Variants in SCN2A observed in about 807,000 individuals in gnomAD.
SCN2A encodes the protein sodium voltage-gated channel alpha subunit 2.
A neutral mutation model predicts 188.7 loss-of-function variants in SCN2A; 20 were observed. The ratio of observed to expected loss-of-function variants is 0.11; its 90% CI spans 0.07 to 0.15. The LOEUF is 0.15. Ranked by LOEUF, SCN2A falls within the 10% of genes least tolerant of loss-of-function variation. The pLI is 1.00. For missense variants in SCN2A, 1,278 were observed against 2,445.0 expected (o/e 0.52, Z 10.07); for synonymous variants, 804 against 833.1 (o/e 0.97, Z 0.60).
intron 11 of SCN2A, among the ~76,000 whole-genome samples, chr2:165,318,998 A>G (rs1187957054): frequency 6.6e-6 from 1 of 152,234 alleles, no homozygotes; most frequent in East Asian, 1.9e-4. Context: ...CATGGGAACA[A>G]CAAGAGGAGA....
In SCN2A at chr2:165,323,195, C is replaced by G; in HGVS notation, c.1711C>G (p.Arg571Gly). The change falls in exon 12 of 27, where the codon CGC becomes GGC. Residue 571 changes from arginine to glycine, a missense_variant. Physicochemically the swap from Arg to Gly is moderately radical, Grantham distance 125. Transcript: ENST00000375437. ...SIRGSLFSPR[R>G]NSRASLFSFR... ...CCGTGGCTCCCTTTTCTCTCCAAGACGCAACAGTAGGGCGAGCCTTTTCAG... is the reference window on the plus strand; with the variant it reads ...CCGTGGCTCCCTTTTCTCTCCAAGAGGCAACAGTAGGGCGAGCCTTTTCAG... 6.2e-7 allele frequency: 1 copy of G among 1,614,186 alleles called. No homozygotes were observed. The highest frequency in any genetic ancestry group is 8.5e-7 in the Non-Finnish European group (1 of 1,180,046).
chr2:165,325,939 AATATTTTGATCATATTATT>A (rs1181792233), intron 12 of SCN2A, among the ~76,000 whole-genome samples: 3 of 152,126 alleles, frequency 2.0e-5, no homozygotes, highest in African/African-American at 4.8e-5. Flanking sequence ...CAAAATAAAT[AATATTTTGATCATATTATT>A]ATATTTTGAT....
intron 17 of SCN2A, among the ~76,000 whole-genome samples, chr2:165,364,585 C>A (rs1333800663): frequency 6.6e-6 from 1 of 152,112 alleles, no homozygotes; most frequent in East Asian, 1.9e-4. Flanking sequence ...ATATAGCTAA[C>A]AATGTGCTGC....
chr2:165,339,896 G>C (rs779358447), intron 14 of SCN2A, among the ~76,000 whole-genome samples: 1 of 152,224 alleles, frequency 6.6e-6, no homozygotes, highest in Admixed American at 6.5e-5. Flanking sequence ...TGACTTCAAG[G>C]CTTGTTATAA....
At chr2:165,378,508 A>G (rs1701432684) in intron 23 of SCN2A, among the ~76,000 whole-genome samples, 1 of 151,708 alleles carries the variant, frequency 6.6e-6, no homozygotes, top group Non-Finnish European at 1.5e-5. Context: ...ACATTATCCC[A>G]TTTAATCCTA....
intron 3 of SCN2A, among the ~76,000 whole-genome samples, chr2:165,302,862 C>T (rs2105228738): frequency 6.6e-6 from 1 of 152,254 alleles, no homozygotes; most frequent in African/African-American, 2.4e-5. Flanking sequence ...AGAAGTGTTT[C>T]TTCATAATAT....
intron 1 of SCN2A, among the ~76,000 whole-genome samples, chr2:165,262,241 G>A (rs1215736137): frequency 6.6e-6 from 1 of 152,056 alleles, no homozygotes; most frequent in Non-Finnish European, 1.5e-5. Context: ...AATTTCAATA[G>A]GTTTTTGGGG....
At chr2:165,281,551 G>C (rs1350247755) in intron 1 of SCN2A, among the ~76,000 whole-genome samples, 3 of 152,094 alleles carry the variant, frequency 2.0e-5, no homozygotes, top group Non-Finnish European at 4.4e-5. Flanking sequence ...ATGAGAGAAG[G>C]AAGTGAGGGG....
intron 1 of SCN2A, among the ~76,000 whole-genome samples, chr2:165,276,841 G>A: frequency 6.6e-6 from 1 of 152,124 alleles, no homozygotes; most frequent in East Asian, 1.9e-4. Context: ...TGGATGTTGA[G>A]TTATCTCTAA....
chr2:165,324,966 C>T (rs1698274153), intron 12 of SCN2A, among the ~76,000 whole-genome samples: 2 of 152,162 alleles, frequency 1.3e-5, no homozygotes, highest in Non-Finnish European at 2.9e-5. Context: ...TCATGGGAGG[C>T]TTCTTAAAAC....
intron 3 of SCN2A, among the ~76,000 whole-genome samples, chr2:165,299,282 G>C (rs543657178): frequency 6.6e-6 from 1 of 152,236 alleles, no homozygotes; most frequent in African/African-American, 2.4e-5. Flanking sequence ...GAATCTGTGG[G>C]CTTGTATTTG....
intron 13 of SCN2A, among the ~76,000 whole-genome samples, chr2:165,330,274 T>G (rs540168474): frequency 6.6e-6 from 1 of 152,266 alleles, no homozygotes; most frequent in South Asian, 2.1e-4. Context: ...GAACAGGTAA[T>G]AGGGTGTACA....
At chr2:165,241,448 G>A (rs1350325151) in intron 1 of SCN2A, among the ~76,000 whole-genome samples, 2 of 152,140 alleles carry the variant, frequency 1.3e-5, no homozygotes, top group Non-Finnish European at 2.9e-5. Context: ...ACAACTATAA[G>A]AATATCATCT....
At chr2:165,316,256 A>G (rs981854807) in intron 11 of SCN2A, among the ~76,000 whole-genome samples, 2 of 152,148 alleles carry the variant, frequency 1.3e-5, no homozygotes, top group Admixed American at 1.3e-4. Context: ...AAGTAGCCAA[A>G]ACTCTCAGAT....
At chr2:165,302,970 A>G (rs1696903679) in intron 3 of SCN2A, among the ~76,000 whole-genome samples, 1 of 152,190 alleles carries the variant, frequency 6.6e-6, no homozygotes, top group Non-Finnish European at 1.5e-5. Flanking sequence ...AAATTAATAG[A>G]TTAAAAAACA....
intron 11 of SCN2A, 101 bp from the exon 12 acceptor site, chr2:165,323,055 T>C: frequency 1.8e-6 from 2 of 1,127,144 alleles, no homozygotes; most frequent in Non-Finnish European, 2.6e-6. Context: ...TATCCTTGAG[T>C]AAGTCAATGA....
intron 23 of SCN2A, among the ~76,000 whole-genome samples, chr2:165,378,549 G>C (rs2105380550): frequency 6.6e-6 from 1 of 151,768 alleles, no homozygotes; most frequent in Non-Finnish European, 1.5e-5. Context: ...GGTGATACTA[G>C]CTCTATTTTA....
In SCN2A at chr2:165,313,887, T is replaced by G. The variant is rs1398497493; in HGVS notation, c.1177-15T>G. On this transcript the variant is annotated splice_polypyrimidine_tract_variant and intron_variant, in intron 9 of 26. Coordinates refer to ENST00000375437, the MANE Select transcript of SCN2A (RefSeq NM_001040142.2). ...CCTATATAAAATTTATTAAAATCTC[T>G]CTTCCATTTTGCAGACACTACGTGC... is the stretch of plus-strand genomic sequence containing the variant. 2.5e-6 allele frequency: 4 copies of G among 1,613,520 alleles called. No homozygotes were observed. In the African/African-American group the frequency reaches 5.3e-5, roughly 22 times the overall value.
intron 1 of SCN2A, among the ~76,000 whole-genome samples, chr2:165,263,327 G>C (rs1694689511): frequency 6.6e-6 from 1 of 151,956 alleles, no homozygotes; most frequent in South Asian, 2.1e-4. Context: ...TGTCTAGAAG[G>C]GTTTTTCTGA....
Sources: allele counts gnomAD v4.1 joint callset (sites outside exome capture counted in the v4.1 genomes callset), GRCh38; gene constraint gnomAD v4.1.1; transcripts MANE v1.5; gene names NCBI Gene and HGNC (gene_info 2026-07-23, HGNC 2026-07-21).